Variants in NSD3 observed in about 807,000 individuals in gnomAD.
NSD3 encodes the protein nuclear receptor binding SET domain protein 3, also known as histone-lysine N-methyltransferase NSD3.
In NSD3, 24 loss-of-function variants were observed where a neutral mutation model predicts 160.8. The observed-to-expected ratio is 0.15, with a 90% CI of 0.11 to 0.21. The LOEUF (loss-of-function observed/expected upper bound fraction) is 0.21. Ranked by LOEUF, NSD3 falls within the 10% of genes least tolerant of loss-of-function variation. NSD3 has a pLI of 1.00. For missense variants in NSD3, 1,157 were observed against 1,735.9 expected, an observed-to-expected ratio of 0.67 and a Z score of 5.93; for synonymous variants, 520 against 600.0, an observed-to-expected ratio of 0.87 and a Z score of 1.95.
At chr8:38,324,780 A>T (rs1231942073) in intron 7 of NSD3, among the ~76,000 whole-genome samples, 1 of 152,150 alleles carries the variant, frequency 6.6e-6, no homozygotes, top group Admixed American at 6.5e-5. Context: ...TCCTCCGAGA[A>T]GGGGAGTGGG....
chr8:38,381,734 A>G (rs191124455), intron 1 of NSD3, 65 bp downstream of exon 1: 12,924 of 135,806 alleles, frequency 0.095, 793 homozygotes, highest in Non-Finnish European at 0.13. Flanking sequence ...AGCACTACAC[A>G]CGCGCGCGCG....
At position 38,368,589 on chromosome 8, in the gene NSD3, C is replaced by T. The variant is rs1811163822; in HGVS notation, c.-45+13210G>A. Among the ~76,000 whole-genome samples, 4 of 152,122 alleles carry T rather than the reference C, an allele frequency of 2.6e-5. No individual in the cohort carries two copies. In the South Asian group the frequency reaches 8.3e-4, roughly 32 times the overall value. On this transcript the variant is annotated intron_variant, in intron 1 of 23. Coordinates refer to ENST00000317025, the MANE Select transcript of NSD3 (RefSeq NM_023034.2). ...TTAAGTTATACAACATTTTAGGTGG[C>T]TTTGTAGTTCATATTTTTTTCCTGA...
intron 15 of NSD3, among the ~76,000 whole-genome samples, chr8:38,296,765 G>A (rs1809160719): frequency 6.6e-6 from 1 of 151,260 alleles, no homozygotes; most frequent in African/African-American, 2.4e-5. Flanking sequence ...AATATATTTT[G>A]AGACGGGCTC....
At chr8:38,295,153 AAAAAAAAAAAGTTTTTTTTG>A (rs1488791832) in intron 16 of NSD3, among the ~76,000 whole-genome samples, 4 of 151,732 alleles carry the variant, frequency 2.6e-5, no homozygotes, top group Non-Finnish European at 4.4e-5. Context: ...CAAAAAAAAA[AAAAAAAAAAAGTTTTTTTTG>A]GAAAAAAAAA....
intron 1 of NSD3, chr8:38,380,684 TAC>T (rs1463045119): frequency 1.3e-5 from 2 of 152,330 alleles, no homozygotes; most frequent in African/African-American, 4.8e-5. Context: ...AAAACATCAC[TAC>T]CTCCTTTGGC....
intron 3 of NSD3, among the ~76,000 whole-genome samples, chr8:38,338,283 G>C (rs1337013712): frequency 6.9e-6 from 1 of 144,570 alleles, no homozygotes; most frequent in Non-Finnish European, 1.5e-5. Context: ...CTGGGCAACA[G>C]AGTGAGACTC....
chr8:38,317,192 G>A lies in NSD3; in HGVS notation c.1856-1150C>T. The A allele has an allele frequency of 1.9e-6, 2 of 1,063,042 alleles. No homozygotes were observed. Among genetic ancestry groups the A allele is most frequent in the Non-Finnish European group, 2.3e-6 (2 of 877,708 alleles). The allele number at this position is 1,063,042 out of a possible 1,614,324, so 65.9% of individuals were successfully genotyped here. On this transcript the variant is annotated intron_variant, in intron 9 of 23. Coordinates refer to ENST00000317025, the MANE Select transcript of NSD3 (RefSeq NM_023034.2). The surrounding 1 kb of genome is among the most constrained non-coding windows in gnomAD (Gnocchi z 5.3). ...TTCTGTGGTGGAGGAGGTGGGCCTC[G>A]TTAGACTGCTCAGATTACTGGAACC... is the stretch of plus-strand genomic sequence containing the variant.
chr8:38,332,440 A>G (rs906319003), intron 4 of NSD3, among the ~76,000 whole-genome samples: 1 of 152,180 alleles, frequency 6.6e-6, no homozygotes, highest in African/African-American at 2.4e-5. Context: ...CCTGCATCTC[A>G]GCTTTAATTT....
At chr8:38,352,083 T>G (rs1216733356) in intron 1 of NSD3, among the ~76,000 whole-genome samples, 1 of 151,818 alleles carries the variant, frequency 6.6e-6, no homozygotes, top group Non-Finnish European at 1.5e-5. Context: ...ACAGAATCAT[T>G]AACAATGCCT....
At chr8:38,361,566 T>C (rs1229699199) in intron 1 of NSD3, among the ~76,000 whole-genome samples, 1 of 149,890 alleles carries the variant, frequency 6.7e-6, no homozygotes, top group African/African-American at 2.4e-5. Context: ...CCATCCTGGC[T>C]AACACGGTGA....
At chr8:38,277,302 G>C (rs1808624989) in intron 22 of NSD3, among the ~76,000 whole-genome samples, 1 of 152,028 alleles carries the variant, frequency 6.6e-6, no homozygotes, top group Non-Finnish European at 1.5e-5. Context: ...TTTTGAGATG[G>C]AGTCTCGCTC....
intron 1 of NSD3, among the ~76,000 whole-genome samples, chr8:38,360,136 T>C (rs1422054453): frequency 6.6e-6 from 1 of 152,112 alleles, no homozygotes; most frequent in East Asian, 1.9e-4. Flanking sequence ...GCTGGGACTA[T>C]GGGCGTGCAC....
In NSD3 at chr8:38,293,827, G is replaced by A. The variant is rs558824030; in HGVS notation, c.2915+1969C>T. ...AATCCCAGCTACTTGGGAGGCTGAA[G>A]CAGGAGAATCGCTTGAACCTGGGAG... On this transcript the variant is annotated intron_variant, in intron 16 of 23. Coordinates refer to ENST00000317025, the MANE Select transcript of NSD3 (RefSeq NM_023034.2). Among the ~76,000 whole-genome samples the A allele has an allele frequency of 1.5e-3, 202 of 138,424 alleles. 2 individuals carry two copies. The highest frequency in any genetic ancestry group is 2.7e-4 in the Non-Finnish European group (18 of 66,176). The allele number at this position is 138,424 out of a possible 152,430, so 90.8% of individuals were successfully genotyped here. A position where few individuals can be genotyped will look rare whatever the true frequency, so the allele number is the denominator to read the frequency against.
chr8:38,374,479 C>G (rs138645758), intron 1 of NSD3, among the ~76,000 whole-genome samples: 2 of 151,482 alleles, frequency 1.3e-5, no homozygotes, highest in African/African-American at 2.4e-5. Context: ...ATACAGAGCC[C>G]GGCGCAGTGG....
intron 1 of NSD3, among the ~76,000 whole-genome samples, chr8:38,361,997 A>G (rs184037483): frequency 1.4e-4 from 22 of 152,144 alleles, no homozygotes; most frequent in Admixed American, 5.2e-4. Flanking sequence ...TGGCTTCTTA[A>G]TATCACAGGT....
At chr8:38,291,338 A>C (rs1376748569) in intron 16 of NSD3, among the ~76,000 whole-genome samples, 2 of 152,240 alleles carry the variant, frequency 1.3e-5, no homozygotes, top group African/African-American at 4.8e-5. Flanking sequence ...GAAATCTGAC[A>C]GTTTCTAGCA....
intron 1 of NSD3, among the ~76,000 whole-genome samples, chr8:38,359,632 C>T (rs551348475): frequency 6.6e-6 from 1 of 152,144 alleles, no homozygotes; most frequent in Non-Finnish European, 1.5e-5. Context: ...CAGCTAGAAT[C>T]GATAGGATCT....
chr8:38,323,206 C>T (rs952501418), intron 7 of NSD3, among the ~76,000 whole-genome samples: 2 of 152,094 alleles, frequency 1.3e-5, no homozygotes, highest in Non-Finnish European at 2.9e-5. Context: ...AGGCGTGCGC[C>T]ACCATGCCCA....
chr8:38,277,176 A>G (rs1400189385), intron 22 of NSD3, among the ~76,000 whole-genome samples: 1 of 152,034 alleles, frequency 6.6e-6, no homozygotes, highest in Non-Finnish European at 1.5e-5. Context: ...TCCTGAGCTC[A>G]GGCAATCCGC....
Sources: allele counts gnomAD v4.1 joint callset (sites outside exome capture counted in the v4.1 genomes callset), GRCh38; gene constraint gnomAD v4.1.1; non-coding constraint Gnocchi (gnomAD v3.1); transcripts MANE v1.5; gene names NCBI Gene and HGNC (gene_info 2026-07-23, HGNC 2026-07-21).